Variants in NHLRC2 observed in about 807,000 individuals in gnomAD.
NHLRC2 encodes NHL repeat-containing protein 2.
Under a neutral mutation model 68.1 loss-of-function variants are expected in NHLRC2, and 33 were observed. The observed-to-expected ratio is 0.48, with a 90% CI of 0.37 to 0.65. The LOEUF (loss-of-function observed/expected upper bound fraction) is 0.65, where lower values mean the gene tolerates loss of function less well. Ranked by LOEUF, NHLRC2 falls within the 30% of genes least tolerant of loss-of-function variation. NHLRC2 has a pLI of 0.00. For synonymous variants in NHLRC2, 311 were observed against 309.6 expected (o/e 1.00, Z -0.05); for missense variants, 761 against 853.8 (o/e 0.89, Z 1.35).
intron 10 of NHLRC2, among the ~76,000 whole-genome samples, chr10:113,905,562 C>G (rs1292123113): frequency 6.6e-6 from 1 of 152,118 alleles, no homozygotes; most frequent in African/African-American, 2.4e-5. Flanking sequence ...CATCTGTAAC[C>G]TGGTGGACAA....
intron 4 of NHLRC2, among the ~76,000 whole-genome samples, chr10:113,880,751 A>G (rs1352915512): frequency 6.6e-6 from 1 of 152,050 alleles, no homozygotes; most frequent in East Asian, 1.9e-4. Context: ...GACCTGGCCT[A>G]TGGTAGGTGT....
At chr10:113,894,757 G>A (rs549465840) in intron 5 of NHLRC2, among the ~76,000 whole-genome samples, 16 of 151,946 alleles carry the variant, frequency 1.1e-4, no homozygotes, top group Non-Finnish European at 2.2e-4. Context: ...ATCCTAGTTT[G>A]CTGAGTTTTT....
In NHLRC2 at chr10:113,884,220, T is replaced by C. The variant is rs376860009; in HGVS notation, c.910-31T>C. 2.0e-5 allele frequency: 32 copies of C among 1,589,674 alleles called. No individual in the cohort carries two copies. In the African/African-American group the frequency reaches 3.8e-4, roughly 19 times the overall value. On this transcript the variant is annotated intron_variant, in intron 4 of 10. Transcript: ENST00000369301. ...AAGACAAAAGCAAAAGTAACATTCA[T>C]TGCATAAAACCATCCTTTGAATTTC...
rs1434078754 is a variant in NHLRC2, at chr10:113,901,904, A to G, written c.1371+7A>G. The G allele has an allele frequency of 6.3e-7, 1 of 1,583,958 alleles. No homozygotes were observed. Among genetic ancestry groups the G allele is most frequent in the East Asian group, 2.2e-5 (1 of 44,742 alleles). On this transcript the variant is annotated splice_region_variant and intron_variant, in intron 7 of 10. Coordinates refer to ENST00000369301, the MANE Select transcript of NHLRC2 (RefSeq NM_198514.4). ...AGGAGAAAGAGACCCCATGGTAATG[A>G]CAGTCACTCTTGCACAGTGCGCTCG...
intron 8 of NHLRC2, 142 bp from the exon 9 acceptor site, chr10:113,903,385 A>G: frequency 1.6e-6 from 1 of 628,120 alleles, no homozygotes; most frequent in Non-Finnish European, 2.9e-6. Context: ...TCAAGAAAAT[A>G]TGGAAATAAC....
At chr10:113,886,388 T>C (rs557790438) in intron 5 of NHLRC2, among the ~76,000 whole-genome samples, 217 of 152,240 alleles carry the variant, frequency 1.4e-3, no homozygotes, top group Middle Eastern at 6.8e-3. Context: ...AAAAAAACTA[T>C]CTTAAAATGT....
chr10:113,872,761 T>TAA (rs56279136), intron 2 of NHLRC2, among the ~76,000 whole-genome samples: 16,680 of 136,196 alleles, frequency 0.12, 1,242 homozygotes, highest in East Asian at 0.3. Flanking sequence ...GAAAATGAGC[T>TAA]AAAAAAAAAA....
intron 1 of NHLRC2, among the ~76,000 whole-genome samples, chr10:113,857,453 T>C (rs1011382457): frequency 2.0e-5 from 3 of 151,724 alleles, no homozygotes; most frequent in Non-Finnish European, 2.9e-5. Flanking sequence ...GATCTGCAGA[T>C]TTTTTTTTCT....
chr10:113,891,009 T>A (rs1846125431), intron 5 of NHLRC2, among the ~76,000 whole-genome samples: 2 of 152,080 alleles, frequency 1.3e-5, no homozygotes. Context: ...TTCACTATCA[T>A]GAGAACAGCA....
At chr10:113,906,092 A>C (rs1403466274) in intron 10 of NHLRC2, among the ~76,000 whole-genome samples, 1 of 152,236 alleles carries the variant, frequency 6.6e-6, no homozygotes, top group Non-Finnish European at 1.5e-5. Flanking sequence ...TGGAAGTATT[A>C]CATCAGTTGG....
At chr10:113,856,839 CTT>C (rs1845764235) in intron 1 of NHLRC2, among the ~76,000 whole-genome samples, 1 of 152,090 alleles carries the variant, frequency 6.6e-6, no homozygotes, top group Non-Finnish European at 1.5e-5. Flanking sequence ...ATAAACATAA[CTT>C]TATTTGAAAA....
Position 113,916,545 on chromosome 10 carries a change from G to C in NHLRC2, c.*8009G>C, listed in dbSNP as rs1846388297. 1 of 151,948 alleles carries C rather than the reference G, an allele frequency of 6.6e-6. No homozygotes were observed. Among genetic ancestry groups the C allele is most frequent in the African/African-American group, 2.4e-5 (1 of 41,378 alleles). 9.4% of individuals were successfully genotyped at this position (151,948 alleles called of 1,614,324 possible). A position where few individuals can be genotyped will look rare whatever the true frequency, so the allele number is the denominator to read the frequency against. ...ATTTTACATAGGCTGTTTTTTTTAAGTTTAAATTCTCACTGTTAAGTTGCA... is the reference window on the plus strand; with the variant it reads ...ATTTTACATAGGCTGTTTTTTTTAACTTTAAATTCTCACTGTTAAGTTGCA... On this transcript the variant is annotated 3_prime_UTR_variant, in exon 11 of 11. Coordinates refer to ENST00000369301, the MANE Select transcript of NHLRC2 (RefSeq NM_198514.4).
In NHLRC2 at chr10:113,862,588, C is replaced by T. The variant is rs543373235; in HGVS notation, c.331+3908C>T. The stretch of plus-strand genomic sequence containing the variant: ...ATAAGTCCCTCTTTGTCAATAATTA[C>T]TTTAAATGTAAATGGATTAAGTCTT... On this transcript the variant is annotated intron_variant, in intron 2 of 10. Coordinates refer to ENST00000369301, the MANE Select transcript of NHLRC2 (RefSeq NM_198514.4). 2.0e-5 allele frequency among the ~76,000 whole-genome samples: 3 copies of T among 151,832 alleles called. No individual in the cohort carries two copies. The East Asian group carries it at 5.8e-4, about 29-fold the overall frequency.
intron 7 of NHLRC2, 62 bp downstream of exon 7, chr10:113,901,959 T>C (rs1229910193): frequency 2.0e-5 from 23 of 1,143,972 alleles, no homozygotes; most frequent in Non-Finnish European, 3.0e-5. Context: ...ATTTTGTGAA[T>C]TATGGAAAGT....
intron 2 of NHLRC2, 70 bp from the exon 3 acceptor site, chr10:113,876,451 C>T: frequency 1.1e-6 from 1 of 870,280 alleles, no homozygotes; most frequent in Admixed American, 2.7e-5. Context: ...GATCCAAAAC[C>T]TAATGTGTAG....
At position 113,908,528 on chromosome 10, in the gene NHLRC2, G is replaced by A. The variant is rs754014599; in HGVS notation, c.2173G>A (p.Val725Ile). 1.2e-6 allele frequency: 2 copies of A among 1,613,998 alleles called. No homozygotes were observed. Among genetic ancestry groups the A allele is most frequent in the Admixed American group, 3.3e-5 (2 of 60,022 alleles). The change falls in exon 11 of 11, where the codon GTA (valine) becomes ATA (isoleucine). Residue 725 changes from valine to isoleucine, a missense_variant. Transcript: ENST00000369301. Reference sequence around the variant, plus strand: ...CATAGCTCCAGTAGAGCTCAGGTATGTATTTTAGCCAGCCAGCTAGCTAGC... The same window carrying A: ...CATAGCTCCAGTAGAGCTCAGGTATATATTTTAGCCAGCCAGCTAGCTAGC... ...GCIAPVELRYVF is the reference protein window; with the variant it reads ...GCIAPVELRYIF
intron 6 of NHLRC2, among the ~76,000 whole-genome samples, chr10:113,898,911 T>C (rs536823170): frequency 6.6e-6 from 1 of 152,298 alleles, no homozygotes; most frequent in South Asian, 2.1e-4. Flanking sequence ...GTACCTAACA[T>C]GTACAGTAAA....
chr10:113,905,070 A>C (rs776319885), intron 10 of NHLRC2, 34 bp downstream of exon 10: 1 of 1,057,810 alleles, frequency 9.5e-7, no homozygotes, highest in Admixed American at 2.6e-5. Context: ...CTAATACATC[A>C]TATATTCTTG....
chr10:113,883,494 T>C (rs1179585747), intron 4 of NHLRC2, among the ~76,000 whole-genome samples: 1 of 151,956 alleles, frequency 6.6e-6, no homozygotes, highest in Non-Finnish European at 1.5e-5. Flanking sequence ...AAGTGAAATA[T>C]TGAATATCAT....
Sources: allele counts gnomAD v4.1 joint callset (sites outside exome capture counted in the v4.1 genomes callset), GRCh38; gene constraint gnomAD v4.1.1; transcripts MANE v1.5; gene names NCBI Gene and HGNC (gene_info 2026-07-23, HGNC 2026-07-21).